PLCH2: variants seen among roughly 807,000 people sequenced by gnomAD.
PLCH2 encodes the protein 1-phosphatidylinositol 4,5-bisphosphate phosphodiesterase eta-2.
PLCH2 carries 98 observed loss-of-function variants against 134.7 expected under a neutral mutation model. That is an observed-to-expected ratio of 0.73 (90% CI 0.62 to 0.86). PLCH2 has a LOEUF of 0.86. Among genes scored for constraint, PLCH2 ranks in the 40% least tolerant of loss-of-function variants. The pLI is 0.00. For missense variants in PLCH2, 1,994 were observed against 1,986.6 expected, an observed-to-expected ratio of 1.00 and a Z score of -0.07; for synonymous variants, 974 against 827.5, an observed-to-expected ratio of 1.18 and a Z score of -3.04.
chr1:2,498,620 C>G lies in PLCH2; in HGVS notation c.2322C>G (p.Arg774=), dbSNP rs778552165. Residue 774 remains arginine, a synonymous_variant, in exon 17 of 22, where the codon CGC becomes CGG. Coordinates refer to ENST00000378486, the MANE Select transcript of PLCH2 (RefSeq NM_014638.4). This position sits in a 1 kb window ranked among gnomAD's most constrained non-coding sequence, Gnocchi z 5.4. The part of the protein sequence containing the change: ...IISGQQLPKP[R]DSMLGDRGEI... ...GTGGCCAGCAGCTTCCCAAGCCGCGCGACTCCATGCTGGGGGACCGTGGGG... is the reference window on the plus strand; with the variant it reads ...GTGGCCAGCAGCTTCCCAAGCCGCGGGACTCCATGCTGGGGGACCGTGGGG... 2 of 1,570,420 alleles carry G rather than the reference C, an allele frequency of 1.3e-6. No individual in the cohort carries two copies. The highest frequency in any genetic ancestry group is 1.7e-6 in the Non-Finnish European group (2 of 1,158,130).
At chr1:2,449,474 G>A (rs996542276) in intron 2 of PLCH2, among the ~76,000 whole-genome samples, 48 of 151,338 alleles carry the variant, frequency 3.2e-4, no homozygotes, top group African/African-American at 1.1e-3. Context: ...CAGCCTGGGT[G>A]ACATAGTGAG....
At chr1:2,463,797 T>A (rs934705046), upstream of PLCH2, among the ~76,000 whole-genome samples, 2 of 152,212 alleles carry the variant, frequency 1.3e-5, no homozygotes, top group African/African-American at 4.8e-5. Flanking sequence ...CTCCTCCCCA[T>A]GGCCTGAGCC....
Position 2,478,768 on chromosome 1 carries a change from C to T in PLCH2, c.271+146C>T, listed in dbSNP as rs369409628. ...TGGGCTCAGTGGCCTTGGGGATCTG[C>T]AGTGACCTCGGGCTGTGGGGTAGGA... On this transcript the variant is annotated intron_variant, in intron 2 of 21. Transcript: ENST00000378486. 13 of 818,276 alleles carry T rather than the reference C, an allele frequency of 1.6e-5. No individual in the cohort carries two copies. In the East Asian group the frequency reaches 3.2e-4, roughly 20 times the overall value. 50.7% of individuals were successfully genotyped at this position (818,276 alleles called of 1,614,324 possible).
At chr1:2,497,390 C>A in intron 15 of PLCH2, 112 bp from the exon 16 acceptor site, 1 of 705,384 alleles carries the variant, frequency 1.4e-6, no homozygotes, top group Non-Finnish European at 2.4e-6. Context: ...GAGGGGCAGA[C>A]GGCAGATACG....
At chr1:2,442,923 C>T (rs1383178337) in intron 2 of PLCH2, among the ~76,000 whole-genome samples, 2 of 152,224 alleles carry the variant, frequency 1.3e-5, no homozygotes, top group African/African-American at 4.8e-5. Context: ...TCATGGCTGC[C>T]TGCAGCAGAG....
chr1:2,501,936 C>A, intron 20 of PLCH2, 176 bp from the exon 21 acceptor site: 2 of 553,270 alleles, frequency 3.6e-6, no homozygotes, highest in Non-Finnish European at 6.2e-6. Context: ...GCCCTAGGGA[C>A]CCTGCTCCTG....
intron 4 of PLCH2, among the ~76,000 whole-genome samples, chr1:2,484,037 CTGACTCCCGTGTGGGTGGCGT>C (rs1642157325): frequency 6.9e-6 from 1 of 145,408 alleles, no homozygotes; most frequent in Non-Finnish European, 1.5e-5. Context: ...GTGGGTGGCG[CTGACTCCCGTGTGGGTGGCGT>C]TGGCTCCCGT....
chr1:2,427,186 A>G (rs1638838972), intron 1 of PLCH2, among the ~76,000 whole-genome samples: 1 of 152,260 alleles, frequency 6.6e-6, no homozygotes, highest in Admixed American at 6.5e-5. Context: ...GCCGGCGGCT[A>G]GGGGCCCACC....
intron 9 of PLCH2, 143 bp downstream of exon 9, chr1:2,489,521 C>A: frequency 1.2e-6 from 1 of 851,094 alleles, no homozygotes; most frequent in Non-Finnish European, 1.8e-6. Context: ...CTGACCTGGC[C>A]TCCATCTCCC....
At chr1:2,419,944 C>A in the PLCH2 span, among the ~76,000 whole-genome samples, 1 of 151,902 alleles carries the variant, frequency 6.6e-6, no homozygotes, top group Non-Finnish European at 1.5e-5. Context: ...ACTCAAAGTT[C>A]AAGCATAGCA....
At chr1:2,459,490 T>C (rs868650533) in intron 2 of PLCH2, among the ~76,000 whole-genome samples, 559 of 13,630 alleles carry the variant, frequency 0.041, 98 homozygotes, top group African/African-American at 0.048. Flanking sequence ...TCCTCCTTCC[T>C]GGTGGTCCTC....
chr1:2,467,776 C>A, intron 1 of PLCH2: 1 of 398,962 alleles, frequency 2.5e-6, no homozygotes, highest in Non-Finnish European at 4.4e-6. Context: ...ACTGGTGACC[C>A]ACTGACCCCC....
At chr1:2,473,802 C>T (rs1210103943), upstream of PLCH2, among the ~76,000 whole-genome samples, 3 of 152,336 alleles carry the variant, frequency 2.0e-5, no homozygotes, top group East Asian at 3.9e-4. Flanking sequence ...GAGCCAGGGC[C>T]CTCCTCTCCC....
Position 2,489,839 on chromosome 1 carries a change from A to G in PLCH2, c.1487A>G (p.Asp496Gly), listed in dbSNP as rs2100691612. The change falls in exon 10 of 22, where the codon GAC (aspartate) becomes GGC (glycine). Residue 496 changes from aspartate (D) to glycine (G), a missense_variant. Asp to Gly is a moderately conservative substitution (Grantham distance 94, BLOSUM62 -1). Coordinates refer to ENST00000378486, the MANE Select transcript of PLCH2 (RefSeq NM_014638.4). ...VSDEDSADEI[D>G]DDCKLLNGDA... ...GATGAGGACAGTGCTGATGAGATTG[A>G]CGATGACTGCAAGCTCCTCAATGGG... The G allele has an allele frequency of 1.9e-6, 3 of 1,613,158 alleles. No individual in the cohort carries two copies. The East Asian group carries it at 6.7e-5, about 36-fold the overall frequency.
intron 2 of PLCH2, among the ~76,000 whole-genome samples, chr1:2,453,261 T>C (rs1456646890): frequency 6.6e-6 from 1 of 152,206 alleles, no homozygotes; most frequent in Admixed American, 6.5e-5. Context: ...GTGGGCGCCG[T>C]GCTCCCTGGG....
chr1:2,425,397 C>CT (rs1340613016), upstream of PLCH2, among the ~76,000 whole-genome samples: 1 of 152,196 alleles, frequency 6.6e-6, no homozygotes, highest in East Asian at 1.9e-4. Flanking sequence ...GATTCTGTAA[C>CT]TCGGCTGTTG....
At position 2,503,540 on chromosome 1, in the gene PLCH2, C is replaced by A. The variant is rs113594971; in HGVS notation, c.2960-382C>A. The A allele has an allele frequency of 4.1e-4, 279 of 682,278 alleles. 1 individual carries two copies. In the African/African-American group the frequency reaches 4.4e-3, roughly 11 times the overall value. The allele number at this position is 682,278 out of a possible 1,614,324, so 42.3% of individuals were successfully genotyped here. On this transcript the variant is annotated intron_variant, in intron 21 of 21. Coordinates refer to ENST00000378486, the MANE Select transcript of PLCH2 (RefSeq NM_014638.4). ...TGGAGGGAGGGACATACACGGAGCC[C>A]GCCCCACACCACCCTGCCCCTCCAG...
chr1:2,478,427 C>T (rs543644069), intron 1 of PLCH2, 49 bp from the exon 2 acceptor site: 5 of 1,595,766 alleles, frequency 3.1e-6, no homozygotes, highest in Admixed American at 1.7e-5. Context: ...GTCTCTCCTG[C>T]GAGGAGTGGC....
In PLCH2 at chr1:2,444,145, G is replaced by T. The variant is rs1308741462; in HGVS notation, c.115+13516G>T. 6.6e-6 allele frequency among the ~76,000 whole-genome samples: 1 copy of T among 152,222 alleles called. No homozygotes were observed. The highest frequency in any genetic ancestry group is 2.4e-5 in the African/African-American group (1 of 41,472). On this transcript the variant is annotated intron_variant, in intron 2 of 3. Coordinates refer to the PLCH2 transcript ENST00000609981. The surrounding 1 kb of genome is among the most constrained non-coding windows in gnomAD (Gnocchi z 4.6). ...GGGTGCGGGCGCGGGACTGTGGGCG[G>T]GACGGGCGGAGCGGTCTTGAGCTCT... is the stretch of plus-strand genomic sequence containing the variant.
Sources: gnomAD v4.1 joint callset for allele counts (sites outside exome capture counted in the v4.1 genomes callset) on GRCh38, gnomAD v4.1.1 for gene constraint, Gnocchi (gnomAD v3.1) non-coding constraint, MANE v1.5 for transcripts, NCBI Gene and HGNC (gene_info 2026-07-23, HGNC 2026-07-21) for gene names.